Variants in DSCAM observed in about 807,000 individuals in gnomAD.
DSCAM encodes cell adhesion molecule DSCAM.
DSCAM carries 47 observed loss-of-function variants against 217.7 expected under a neutral mutation model. The ratio of observed to expected loss-of-function variants is 0.22; its 90% CI spans 0.17 to 0.28. DSCAM has a LOEUF of 0.28. Among genes scored for constraint, DSCAM ranks in the 10% least tolerant of loss-of-function variants. DSCAM has a pLI of 1.00. For missense variants in DSCAM, 2,080 were observed against 2,618.3 expected, an observed-to-expected ratio of 0.79 and a Z score of 4.49; for synonymous variants, 1,056 against 1,015.3, an observed-to-expected ratio of 1.04 and a Z score of -0.76.
intron 18 of DSCAM, among the ~76,000 whole-genome samples, chr21:40,135,284 C>T (rs1228748446): frequency 6.6e-6 from 1 of 152,242 alleles, no homozygotes; most frequent in African/African-American, 2.4e-5. Flanking sequence ...AGCTGCTTGT[C>T]AATCCCTCTC....
chr21:40,266,631 T>C (rs2073531144), intron 11 of DSCAM, among the ~76,000 whole-genome samples: 1 of 44,376 alleles, frequency 2.3e-5, no homozygotes, highest in African/African-American at 2.0e-4. Flanking sequence ...TGGACAAAGA[T>C]GTTTTATATA....
intron 3 of DSCAM, among the ~76,000 whole-genome samples, chr21:40,475,607 CA>C (rs1332738496): frequency 6.6e-6 from 1 of 152,178 alleles, no homozygotes; most frequent in African/African-American, 2.4e-5. Flanking sequence ...CCGAGGCAGG[CA>C]GATCACAAGG....
At chr21:40,397,749 C>T (rs1298203389) in intron 3 of DSCAM, among the ~76,000 whole-genome samples, 2 of 152,038 alleles carry the variant, frequency 1.3e-5, no homozygotes, top group Admixed American at 6.6e-5. Context: ...ACCACTATTA[C>T]CACTACTGCT....
intron 2 of DSCAM, among the ~76,000 whole-genome samples, chr21:40,698,794 C>T (rs370687803): frequency 1.3e-5 from 2 of 149,558 alleles, no homozygotes; most frequent in East Asian, 2.0e-4. Flanking sequence ...CACTTGAACC[C>T]GGGAGGCAGA....
At chr21:40,845,474 T>C (rs1471610750) in intron 1 of DSCAM, among the ~76,000 whole-genome samples, 1 of 151,976 alleles carries the variant, frequency 6.6e-6, no homozygotes, top group Non-Finnish European at 1.5e-5. Context: ...GCCTCCCCTT[T>C]GCTTCTCGTA....
At chr21:40,019,050 C>T (rs377709869) in intron 32 of DSCAM, among the ~76,000 whole-genome samples, 9 of 152,312 alleles carry the variant, frequency 5.9e-5, no homozygotes, top group African/African-American at 2.2e-4. Flanking sequence ...GAAGAGAGCA[C>T]CAGAGTAGTC....
At chr21:40,564,227 A>T (rs1339695295) in intron 3 of DSCAM, among the ~76,000 whole-genome samples, 4 of 152,246 alleles carry the variant, frequency 2.6e-5, no homozygotes, top group Non-Finnish European at 5.9e-5. Context: ...TTACCACTGG[A>T]AACAAAGTGG....
chr21:40,328,115 A>G (rs1274772567), intron 8 of DSCAM, among the ~76,000 whole-genome samples: 1 of 152,122 alleles, frequency 6.6e-6, no homozygotes, highest in Non-Finnish European at 1.5e-5. Flanking sequence ...AATACCAATG[A>G]CATTTTTCAC....
rs79151374 is a variant in DSCAM, at chr21:40,382,236, G to T, written c.509-12991C>A. 1.1e-3 allele frequency among the ~76,000 whole-genome samples: 174 copies of T among 152,072 alleles called. 1 individual carries two copies. The East Asian group carries it at 0.027, about 23-fold the overall frequency. ...GTCCCCTAGTTCTTATTCCTGGTAG[G>T]GGGACTCTTCACCTGTTCAGGGCTC... On this transcript the variant is annotated intron_variant, in intron 3 of 32. Coordinates refer to ENST00000400454, the MANE Select transcript of DSCAM (RefSeq NM_001389.5).
intron 1 of DSCAM, among the ~76,000 whole-genome samples, chr21:40,777,375 T>G (rs1029304440): frequency 4.6e-5 from 7 of 152,172 alleles, no homozygotes; most frequent in African/African-American, 1.7e-4. Flanking sequence ...ACAAAGACTA[T>G]TCCATAACCC....
At chr21:40,364,650 C>T (rs886259832) in intron 4 of DSCAM, among the ~76,000 whole-genome samples, 3 of 149,806 alleles carry the variant, frequency 2.0e-5, no homozygotes, top group Non-Finnish European at 4.4e-5. Flanking sequence ...GTACGTTATG[C>T]ACGTGTACCC....
intron 8 of DSCAM, among the ~76,000 whole-genome samples, chr21:40,320,918 G>T (rs2074252280): frequency 6.6e-6 from 1 of 152,116 alleles, no homozygotes; most frequent in Admixed American, 6.6e-5. Flanking sequence ...TCATTTATGT[G>T]TATTTACTTT....
intron 15 of DSCAM, among the ~76,000 whole-genome samples, chr21:40,172,805 AT>A (rs1268524977): frequency 1.3e-5 from 2 of 152,180 alleles, no homozygotes; most frequent in African/African-American, 2.4e-5. Flanking sequence ...GCAGAAAAAA[AT>A]ATATAAATTT....
intron 1 of DSCAM, among the ~76,000 whole-genome samples, chr21:40,821,744 A>C (rs914651860): frequency 2.6e-5 from 4 of 152,030 alleles, no homozygotes; most frequent in African/African-American, 9.7e-5. Flanking sequence ...ATCCTTAGCA[A>C]ACTAGTGCAG....
intron 21 of DSCAM, among the ~76,000 whole-genome samples, chr21:40,092,192 C>A (rs950280658): frequency 1.3e-5 from 2 of 152,162 alleles, no homozygotes; most frequent in East Asian, 3.9e-4. Flanking sequence ...ACCCTCCATA[C>A]TCCCTTCTTC....
At chr21:40,427,336 T>C (rs537836369) in intron 3 of DSCAM, among the ~76,000 whole-genome samples, 22 of 152,302 alleles carry the variant, frequency 1.4e-4, no homozygotes, top group African/African-American at 4.6e-4. Context: ...CATGAACCCA[T>C]GTGTCCCAGC....
chr21:40,354,960 A>G (rs1274892347), intron 4 of DSCAM, among the ~76,000 whole-genome samples: 2 of 152,024 alleles, frequency 1.3e-5, no homozygotes, highest in African/African-American at 2.4e-5. Context: ...ATTTTAAAAC[A>G]TTTTATTTAT....
At chr21:40,082,375 A>T (rs1204362782) in intron 24 of DSCAM, among the ~76,000 whole-genome samples, 2 of 152,156 alleles carry the variant, frequency 1.3e-5, no homozygotes, top group Non-Finnish European at 2.9e-5. Context: ...CAGGAGAATC[A>T]CTTGAACCCG....
intron 27 of DSCAM, among the ~76,000 whole-genome samples, chr21:40,063,478 A>G (rs1169913445): frequency 6.6e-6 from 1 of 152,166 alleles, no homozygotes. Flanking sequence ...TCCTGACTAA[A>G]AGTGTAGGAA....
Sources: gnomAD v4.1 joint callset for allele counts (sites outside exome capture counted in the v4.1 genomes callset) on GRCh38, gnomAD v4.1.1 for gene constraint, MANE v1.5 for transcripts, NCBI Gene and HGNC (gene_info 2026-07-23, HGNC 2026-07-21) for gene names.